Variants in KCNIP4 observed in about 807,000 individuals in gnomAD.
The protein encoded by KCNIP4 is Kv channel-interacting protein 4.
A neutral mutation model predicts 34.0 loss-of-function variants in KCNIP4; 12 were observed. The observed-to-expected ratio is 0.35, with a 90% CI of 0.23 to 0.57. The LOEUF is 0.57. Ranked by LOEUF, KCNIP4 falls within the 20% of genes least tolerant of loss-of-function variation. The pLI, the probability that KCNIP4 is intolerant of heterozygous loss-of-function variation, is 0.83. For missense variants in KCNIP4, 238 were observed against 311.7 expected, an observed-to-expected ratio of 0.76 and a Z score of 1.78; for synonymous variants, 124 against 102.2, an observed-to-expected ratio of 1.21 and a Z score of -1.29.
At chr4:21,678,153 T>C (rs1482294021) in intron 1 of KCNIP4, among the ~76,000 whole-genome samples, 1 of 152,194 alleles carries the variant, frequency 6.6e-6, no homozygotes, top group Non-Finnish European at 1.5e-5. Flanking sequence ...AGACAGTTTC[T>C]GTTACAACTA....
intron 1 of KCNIP4, among the ~76,000 whole-genome samples, chr4:20,960,908 C>T (rs895593926): frequency 1.2e-4 from 18 of 152,140 alleles, no homozygotes; most frequent in African/African-American, 4.1e-4. Context: ...TCTAATAAGA[C>T]ATTGGAGACT....
intron 1 of KCNIP4, among the ~76,000 whole-genome samples, chr4:21,056,035 G>A (rs997750832): frequency 5.9e-5 from 9 of 152,196 alleles, no homozygotes; most frequent in Non-Finnish European, 1.2e-4. Flanking sequence ...GCTGTGTGTC[G>A]GGGTGGGTAG....
intron 1 of KCNIP4, among the ~76,000 whole-genome samples, chr4:21,842,235 A>G (rs899392257): frequency 1.3e-5 from 2 of 152,278 alleles, no homozygotes; most frequent in South Asian, 4.1e-4. Flanking sequence ...TTAAATGCCT[A>G]CCATATATGT....
At chr4:21,824,990 G>A (rs751066548) in intron 1 of KCNIP4, among the ~76,000 whole-genome samples, 44 of 152,186 alleles carry the variant, frequency 2.9e-4, no homozygotes, top group Middle Eastern at 3.4e-3. Context: ...TAGGTGTTTT[G>A]TTGTACAGAA....
In KCNIP4 at chr4:21,481,236, A is replaced by G. The variant is rs183483067; in HGVS notation, c.61+467335T>C. 1.9e-3 allele frequency among the ~76,000 whole-genome samples: 292 copies of G among 152,336 alleles called. 6 individuals are homozygous for G. Among genetic ancestry groups the G allele is most frequent in the Admixed American group, 0.019 (287 of 15,286 alleles). On this transcript the variant is annotated intron_variant, in intron 1 of 8. Coordinates refer to ENST00000382152, the MANE Select transcript of KCNIP4 (RefSeq NM_025221.6). ...GTTTTGGGGGACTAACCAAGGAAAA[A>G]GATATGACCACAAGGTAGTAATAGA...
At chr4:21,367,461 G>A (rs900130732) in intron 1 of KCNIP4, among the ~76,000 whole-genome samples, 1 of 148,426 alleles carries the variant, frequency 6.7e-6, no homozygotes, top group Admixed American at 6.6e-5. Context: ...CTGTATGCTG[G>A]AGACTCTACC....
At chr4:21,668,908 AT>A (rs1749243940) in intron 1 of KCNIP4, among the ~76,000 whole-genome samples, 2 of 152,144 alleles carry the variant, frequency 1.3e-5, no homozygotes, top group African/African-American at 4.8e-5. Flanking sequence ...ATTGTTTTCA[AT>A]AAAAGTTATA....
chr4:20,962,356 C>A (rs1034354177), intron 1 of KCNIP4, among the ~76,000 whole-genome samples: 2 of 152,224 alleles, frequency 1.3e-5, no homozygotes, highest in African/African-American at 4.8e-5. Context: ...ACCTAACCTG[C>A]AGGTTCTTGT....
At chr4:21,225,007 C>G (rs866101449) in intron 1 of KCNIP4, among the ~76,000 whole-genome samples, 2 of 152,168 alleles carry the variant, frequency 1.3e-5, no homozygotes, top group African/African-American at 2.4e-5. Flanking sequence ...GTTACATCAT[C>G]TTGCTCTAGT....
intron 1 of KCNIP4, among the ~76,000 whole-genome samples, chr4:21,758,621 T>C (rs900445195): frequency 3.9e-5 from 6 of 152,230 alleles, no homozygotes; most frequent in African/African-American, 1.2e-4. Context: ...GAATCCATCT[T>C]GGTCTTTGGA....
intron 1 of KCNIP4, chr4:21,844,758 T>C (rs890672416): frequency 1.3e-5 from 2 of 152,036 alleles, no homozygotes; most frequent in African/African-American, 4.8e-5. Context: ...CAGGACACAG[T>C]GTTCATGAAG....
At chr4:21,019,981 G>A (rs912915318) in intron 1 of KCNIP4, among the ~76,000 whole-genome samples, 1 of 152,136 alleles carries the variant, frequency 6.6e-6, no homozygotes, top group Non-Finnish European at 1.5e-5. Flanking sequence ...TGATAGTTAA[G>A]AGGCACATTT....
chr4:21,290,866 C>T (rs886849598), intron 1 of KCNIP4, among the ~76,000 whole-genome samples: 11 of 152,174 alleles, frequency 7.2e-5, no homozygotes, highest in South Asian at 2.1e-4. Context: ...AGCACATTAC[C>T]GTGCCCTTAT....
intron 1 of KCNIP4, among the ~76,000 whole-genome samples, chr4:21,001,353 A>T (rs1354745775): frequency 6.6e-6 from 1 of 152,196 alleles, no homozygotes; most frequent in East Asian, 1.9e-4. Flanking sequence ...AGTTCTAAAA[A>T]AATTTGAGTG....
chr4:21,284,003 G>A (rs1762946182), intron 1 of KCNIP4, among the ~76,000 whole-genome samples: 1 of 152,054 alleles, frequency 6.6e-6, no homozygotes, highest in Non-Finnish European at 1.5e-5. Context: ...CACGAGGTCA[G>A]GAGATTGAGA....
chr4:21,825,187 T>G (rs1722598648), intron 1 of KCNIP4, among the ~76,000 whole-genome samples: 1 of 152,074 alleles, frequency 6.6e-6, no homozygotes, highest in Non-Finnish European at 1.5e-5. Flanking sequence ...TTAAACATAC[T>G]TTTTATCAAG....
chr4:20,783,080 A>C (rs1454184465), intron 3 of KCNIP4, among the ~76,000 whole-genome samples: 1 of 152,190 alleles, frequency 6.6e-6, no homozygotes, highest in Non-Finnish European at 1.5e-5. Context: ...AACAAGAGTC[A>C]CCTTTGCTCT....
intron 1 of KCNIP4, among the ~76,000 whole-genome samples, chr4:21,516,318 C>G (rs1734754212): frequency 6.6e-6 from 1 of 152,112 alleles, no homozygotes; most frequent in Admixed American, 6.5e-5. Context: ...CAAAGTAATC[C>G]AGCTCTATTG....
intron 3 of KCNIP4, among the ~76,000 whole-genome samples, chr4:20,846,944 G>T (rs1720455782): frequency 6.6e-6 from 1 of 152,124 alleles, no homozygotes; most frequent in African/African-American, 2.4e-5. Flanking sequence ...AATTTGTAAA[G>T]CTCCCCAGAT....
Sources: allele counts gnomAD v4.1 joint callset (sites outside exome capture counted in the v4.1 genomes callset), GRCh38; gene constraint gnomAD v4.1.1; transcripts MANE v1.5; gene names NCBI Gene and HGNC (gene_info 2026-07-23, HGNC 2026-07-21).